CTNNA3: variants seen among roughly 807,000 people sequenced by gnomAD.
CTNNA3 encodes the protein catenin alpha 3, also known as catenin alpha-3.
A neutral mutation model predicts 95.7 loss-of-function variants in CTNNA3; 76 were observed. That is an observed-to-expected ratio of 0.79 (90% CI 0.66 to 0.96). The LOEUF (loss-of-function observed/expected upper bound fraction) is 0.96, where lower values mean the gene tolerates loss of function less well. Ranked by LOEUF, CTNNA3 falls within the 40% of genes least tolerant of loss-of-function variation. The pLI, the probability that CTNNA3 is intolerant of heterozygous loss-of-function variation, is 0.00. For missense variants in CTNNA3, 1,191 were observed against 1,089.8 expected, an observed-to-expected ratio of 1.09 and a Z score of -1.31; for synonymous variants, 431 against 374.4, an observed-to-expected ratio of 1.15 and a Z score of -1.74.
At chr10:67,295,990 G>A (rs1840015679) in intron 5 of CTNNA3, among the ~76,000 whole-genome samples, 1 of 152,108 alleles carries the variant, frequency 6.6e-6, no homozygotes, top group African/African-American at 2.4e-5. Context: ...ATCTAAGGGA[G>A]GGTCCATAGT....
intron 7 of CTNNA3, among the ~76,000 whole-genome samples, chr10:67,082,515 T>A (rs1194982858): frequency 3.9e-5 from 6 of 152,144 alleles, no homozygotes; most frequent in Non-Finnish European, 2.9e-5. Context: ...TAGAAATGCA[T>A]TTACTATAGT....
At chr10:67,417,084 T>TAC (rs879426555) in intron 5 of CTNNA3, among the ~76,000 whole-genome samples, 7 of 151,984 alleles carry the variant, frequency 4.6e-5, no homozygotes, top group Admixed American at 1.3e-4. Flanking sequence ...GAAAAAATAG[T>TAC]ACATATACAC....
At chr10:67,028,802 C>T (rs555820644) in intron 7 of CTNNA3, among the ~76,000 whole-genome samples, 1 of 152,228 alleles carries the variant, frequency 6.6e-6, no homozygotes, top group South Asian at 2.1e-4. Context: ...TCCTCCCAAG[C>T]ATTCTACAAG....
At chr10:66,247,246 G>A (rs115343671) in intron 13 of CTNNA3, among the ~76,000 whole-genome samples, 3 of 152,038 alleles carry the variant, frequency 2.0e-5, no homozygotes, top group Non-Finnish European at 4.4e-5. Flanking sequence ...TTGTCTTGTG[G>A]TTTGAGTGCC....
intron 7 of CTNNA3, among the ~76,000 whole-genome samples, chr10:66,810,507 T>C (rs1401852807): frequency 6.6e-6 from 1 of 152,204 alleles, no homozygotes; most frequent in Non-Finnish European, 1.5e-5. Context: ...CTCCCATCCA[T>C]TGACTTATTT....
intron 7 of CTNNA3, among the ~76,000 whole-genome samples, chr10:67,049,046 T>G (rs1854928533): frequency 9.5e-6 from 1 of 105,522 alleles, no homozygotes; most frequent in Non-Finnish European, 2.0e-5. Context: ...TTTTTTTTTG[T>G]ACTCTTCTTA....
intron 9 of CTNNA3, among the ~76,000 whole-genome samples, chr10:66,665,830 C>G (rs1048449937): frequency 6.6e-6 from 1 of 152,068 alleles, no homozygotes; most frequent in Non-Finnish European, 1.5e-5. Context: ...CTTCACCTTT[C>G]TAAACTATTC....
chr10:66,927,042 C>A lies in CTNNA3; in HGVS notation c.1048-151518G>T. ...GCCCTAAGGGCTGTAGGTGTGAAGGCAAAATGGTATATTGTGAATCTCAGA... is the reference window on the plus strand; with the variant it reads ...GCCCTAAGGGCTGTAGGTGTGAAGGAAAAATGGTATATTGTGAATCTCAGA... On this transcript the variant is annotated intron_variant, in intron 7 of 17. Transcript: ENST00000433211. The surrounding 1 kb of genome is among the most constrained non-coding windows in gnomAD (Gnocchi z 4.7). 2 of 1,614,102 alleles carry A rather than the reference C, an allele frequency of 1.2e-6. No homozygotes were observed. The highest frequency in any genetic ancestry group is 2.2e-5 in the East Asian group (1 of 44,866).
intron 11 of CTNNA3, among the ~76,000 whole-genome samples, chr10:66,497,947 CA>C (rs1357885859): frequency 1.3e-5 from 2 of 152,030 alleles, no homozygotes; most frequent in Non-Finnish European, 2.9e-5. Flanking sequence ...ATCTATCTAT[CA>C]AAAATCTATG....
rs554419958 is a variant in CTNNA3, at chr10:67,678,104, T to C, written c.-6+17896A>G. The stretch of plus-strand genomic sequence containing the variant: ...ACACCAGGACTAAATATAAATCTTA[T>C]GTATTTCAAAAATAACAGAAAAAAA... On this transcript the variant is annotated intron_variant, in intron 1 of 17. Transcript: ENST00000433211. 5.5e-4 allele frequency among the ~76,000 whole-genome samples: 84 copies of C among 152,282 alleles called. 2 individuals carry two copies. The highest frequency in any genetic ancestry group is 2.6e-3 in the Admixed American group (40 of 15,300).
At position 67,154,425 on chromosome 10, in the gene CTNNA3, C is replaced by T. The variant is rs116663447; in HGVS notation, c.1047+25892G>A. ...TCAACTTCAGCAGGAGTCATTAAGT[C>T]AGACACCTATGTGAGGGCTGTATTT... On this transcript the variant is annotated intron_variant, in intron 7 of 17. Coordinates refer to ENST00000433211, the MANE Select transcript of CTNNA3 (RefSeq NM_013266.4). Among the ~76,000 whole-genome samples, 666 of 152,226 alleles carry T rather than the reference C, an allele frequency of 4.4e-3. 5 individuals carry two copies. The highest frequency in any genetic ancestry group is 0.015 in the African/African-American group (630 of 41,534).
At chr10:66,721,353 A>ATGT (rs1848622739) in intron 9 of CTNNA3, among the ~76,000 whole-genome samples, 2 of 152,164 alleles carry the variant, frequency 1.3e-5, no homozygotes, top group South Asian at 4.1e-4. Context: ...AAACAACTGA[A>ATGT]TGTAACATTT....
intron 5 of CTNNA3, among the ~76,000 whole-genome samples, chr10:67,223,442 G>T (rs1006920360): frequency 1.2e-4 from 19 of 152,166 alleles, no homozygotes; most frequent in African/African-American, 4.6e-4. Flanking sequence ...GAAGTATAAA[G>T]AATTCAGCTC....
intron 11 of CTNNA3, among the ~76,000 whole-genome samples, chr10:66,437,385 C>T (rs1031661770): frequency 1.3e-5 from 2 of 152,054 alleles, no homozygotes; most frequent in Non-Finnish European, 2.9e-5. Context: ...TTGTTAATTC[C>T]TTTTCATTCT....
At chr10:65,984,701 A>G (rs544885761) in intron 16 of CTNNA3, among the ~76,000 whole-genome samples, 1 of 151,530 alleles carries the variant, frequency 6.6e-6, no homozygotes, top group South Asian at 2.1e-4. Context: ...AAAAACCTTC[A>G]ATGTGACACA....
chr10:67,528,655 T>C (rs945732537), intron 4 of CTNNA3, among the ~76,000 whole-genome samples: 6 of 152,218 alleles, frequency 3.9e-5, no homozygotes, highest in Non-Finnish European at 7.3e-5. Flanking sequence ...TCTACCATAA[T>C]AACATATTGT....
At position 66,202,066 on chromosome 10, in the gene CTNNA3, G is replaced by T. The variant is rs548516522; in HGVS notation, c.1884+78404C>A. ...CCTCCCAAAGTGCTGGGATTATGGT[G>T]CGAGCCACCACACCTGGCCTTGCCA... On this transcript the variant is annotated intron_variant, in intron 13 of 17. Transcript: ENST00000433211. Among the ~76,000 whole-genome samples, 11 of 152,140 alleles carry T rather than the reference G, an allele frequency of 7.2e-5. No individual in the cohort carries two copies. The South Asian group carries it at 2.3e-3, about 32-fold the overall frequency.
chr10:67,159,569 A>G (rs1027512318), intron 7 of CTNNA3, among the ~76,000 whole-genome samples: 2 of 152,348 alleles, frequency 1.3e-5, no homozygotes, highest in African/African-American at 4.8e-5. Flanking sequence ...AAAAATCTAC[A>G]TGTGTAAAGT....
At chr10:67,292,791 T>C (rs753146618) in intron 5 of CTNNA3, among the ~76,000 whole-genome samples, 2 of 152,180 alleles carry the variant, frequency 1.3e-5, no homozygotes, top group Non-Finnish European at 2.9e-5. Context: ...CATTTCTGAT[T>C]GGCAATATTA....
Sources: allele counts gnomAD v4.1 joint callset (sites outside exome capture counted in the v4.1 genomes callset), GRCh38; gene constraint gnomAD v4.1.1; non-coding constraint Gnocchi (gnomAD v3.1); transcripts MANE v1.5; gene names NCBI Gene and HGNC (gene_info 2026-07-23, HGNC 2026-07-21).